Variants in ZMAT5 observed in about 807,000 individuals in gnomAD.
The protein encoded by ZMAT5 is zinc finger matrin-type 5, also known as zinc finger matrin-type protein 5.
In ZMAT5, 23 loss-of-function variants were observed where a neutral mutation model predicts 28.0. The ratio of observed to expected loss-of-function variants is 0.82; its 90% CI spans 0.59 to 1.16. The LOEUF (loss-of-function observed/expected upper bound fraction) is 1.16. Ranked by LOEUF, ZMAT5 falls within the 50% of genes most tolerant of loss-of-function variation. The pLI is 0.00. For missense variants in ZMAT5, 173 were observed against 212.7 expected (o/e 0.81, Z 1.16); for synonymous variants, 76 against 84.1 (o/e 0.90, Z 0.52).
intron 5 of ZMAT5, among the ~76,000 whole-genome samples, chr22:29,733,413 C>G (rs1284343934): frequency 6.6e-6 from 1 of 152,230 alleles, no homozygotes; most frequent in Non-Finnish European, 1.5e-5. Context: ...CTGCCCCTCT[C>G]TGGACCAGAC....
intron 5 of ZMAT5, among the ~76,000 whole-genome samples, chr22:29,733,950 C>T (rs1468213431): frequency 6.6e-6 from 1 of 152,200 alleles, no homozygotes; most frequent in Non-Finnish European, 1.5e-5. Context: ...CAACTCTGCT[C>T]GTAGCTTCTC....
At chr22:29,745,414 C>A (rs749864475) in intron 2 of ZMAT5, among the ~76,000 whole-genome samples, 2 of 152,230 alleles carry the variant, frequency 1.3e-5, no homozygotes, top group Non-Finnish European at 2.9e-5. Flanking sequence ...CCAGAACACA[C>A]CATTCTAATT....
At chr22:29,749,743 A>C (rs988572748) in intron 1 of ZMAT5, among the ~76,000 whole-genome samples, 2 of 152,140 alleles carry the variant, frequency 1.3e-5, no homozygotes, top group African/African-American at 4.8e-5. Flanking sequence ...GGTAACTGAC[A>C]TGGGGGTGGT....
intron 1 of ZMAT5, among the ~76,000 whole-genome samples, chr22:29,757,323 A>G (rs1233610283): frequency 1.3e-5 from 2 of 151,936 alleles, no homozygotes; most frequent in African/African-American, 4.8e-5. Context: ...AGCATGCTCA[A>G]GGTCACACAG....
At chr22:29,763,562 A>G (rs1479204596) in intron 1 of ZMAT5, among the ~76,000 whole-genome samples, 1 of 152,046 alleles carries the variant, frequency 6.6e-6, no homozygotes, top group East Asian at 1.9e-4. Context: ...AGATGGTGCC[A>G]CTGCACTCCA....
intron 1 of ZMAT5, among the ~76,000 whole-genome samples, chr22:29,762,530 C>T (rs574403022): frequency 1.2e-4 from 19 of 152,286 alleles, no homozygotes; most frequent in Non-Finnish European, 1.9e-4. Context: ...CATAGGAGCA[C>T]GAATCCTATT....
chr22:29,757,553 G>T (rs959830633), intron 1 of ZMAT5, among the ~76,000 whole-genome samples: 1 of 152,184 alleles, frequency 6.6e-6, no homozygotes, highest in African/African-American at 2.4e-5. Flanking sequence ...GCACGCCAAT[G>T]GTGCTTCACA....
chr22:29,738,086 C>T (rs375309899), intron 5 of ZMAT5, among the ~76,000 whole-genome samples: 2 of 152,160 alleles, frequency 1.3e-5, no homozygotes, highest in East Asian at 3.9e-4. Context: ...TGCCGCCTGC[C>T]TCCCCTCCAG....
chr22:29,765,274 C>A (rs2068196195), intron 1 of ZMAT5, among the ~76,000 whole-genome samples: 1 of 151,252 alleles, frequency 6.6e-6, no homozygotes, highest in Non-Finnish European at 1.5e-5. Flanking sequence ...CAAAAATGAG[C>A]TGGGCGTGTT....
chr22:29,737,078 G>A (rs1410323071), intron 5 of ZMAT5, among the ~76,000 whole-genome samples: 1 of 141,238 alleles, frequency 7.1e-6, no homozygotes, highest in Non-Finnish European at 1.5e-5. Flanking sequence ...ATCCCAACAC[G>A]TTGCACTTTG....
At chr22:29,759,726 T>C (rs574565390) in intron 1 of ZMAT5, among the ~76,000 whole-genome samples, 17 of 152,070 alleles carry the variant, frequency 1.1e-4, no homozygotes, top group Non-Finnish European at 2.1e-4. Context: ...ACTCTGATCA[T>C]GCCACTGTAC....
chr22:29,755,308 AAG>A (rs1913873048), intron 1 of ZMAT5, among the ~76,000 whole-genome samples: 1 of 137,980 alleles, frequency 7.2e-6, no homozygotes, highest in Non-Finnish European at 1.6e-5. Flanking sequence ...AGAAGAAAGA[AAG>A]AAAGAAAAAA....
chr22:29,753,148 ATCCAGTCGCTACTGCTTCC>A (rs1200662625), intron 1 of ZMAT5, among the ~76,000 whole-genome samples: 1 of 152,204 alleles, frequency 6.6e-6, no homozygotes, highest in Non-Finnish European at 1.5e-5. Context: ...CAGGGCTTAC[ATCCAGTCGCTACTGCTTCC>A]TAATTTTCTC....
At position 29,748,616 on chromosome 22, in the gene ZMAT5, C is replaced by T. The variant is rs548563074; in HGVS notation, c.-27-45G>A. 8 of 1,600,858 alleles carry T rather than the reference C, an allele frequency of 5.0e-6. No individual in the cohort carries two copies. The South Asian group carries it at 5.6e-5, about 11-fold the overall frequency. On this transcript the variant is annotated intron_variant, in intron 1 of 5. Coordinates refer to ENST00000344318, the MANE Select transcript of ZMAT5 (RefSeq NM_001003692.2). ...TCAGATTAGACCATTGGAGAAAACA[C>T]ATCCCTCACCAGCCCACTGAATGCT...
At chr22:29,766,072 T>G (rs1343791894) in intron 1 of ZMAT5, among the ~76,000 whole-genome samples, 1 of 152,034 alleles carries the variant, frequency 6.6e-6, no homozygotes, top group African/African-American at 2.4e-5. Flanking sequence ...TCACGCACCT[T>G]GGGGGGCGAG....
At chr22:29,732,242 C>A (rs1706951731) in intron 5 of ZMAT5, among the ~76,000 whole-genome samples, 2 of 152,380 alleles carry the variant, frequency 1.3e-5, no homozygotes, top group South Asian at 2.1e-4. Flanking sequence ...GCACTTTGAA[C>A]TCCCATCACC....
rs776541905 is a variant in ZMAT5, at chr22:29,766,929, C to A, written c.-85G>T. Reference sequence around the variant, plus strand: ...AGAAAAGAGACTAGGACTCGCCCCTCGACGTCTCGCGGAAGGTACCTGGCT... The same window carrying A: ...AGAAAAGAGACTAGGACTCGCCCCTAGACGTCTCGCGGAAGGTACCTGGCT... On this transcript the variant is annotated 5_prime_UTR_variant, in exon 1 of 6. Transcript: ENST00000344318. 6.4e-6 allele frequency: 1 copy of A among 156,642 alleles called. No homozygotes were observed. Among genetic ancestry groups the A allele is most frequent in the Non-Finnish European group, 1.4e-5 (1 of 70,192 alleles). The allele number at this position is 156,642 out of a possible 1,614,324, so 9.7% of individuals were successfully genotyped here.
chr22:29,732,014 G>A (rs1043620555), intron 5 of ZMAT5, among the ~76,000 whole-genome samples: 1 of 152,088 alleles, frequency 6.6e-6, no homozygotes, highest in Non-Finnish European at 1.5e-5. Flanking sequence ...TCCACCCCGA[G>A]CCACCTCCCC....
chr22:29,763,196 G>A (rs2068174282), intron 1 of ZMAT5, among the ~76,000 whole-genome samples: 1 of 151,974 alleles, frequency 6.6e-6, no homozygotes, highest in Non-Finnish European at 1.5e-5. Context: ...GGGAGGCTGA[G>A]AGAACAGAAT....
Sources: gnomAD v4.1 joint callset for allele counts (sites outside exome capture counted in the v4.1 genomes callset) on GRCh38, gnomAD v4.1.1 for gene constraint, MANE v1.5 for transcripts, NCBI Gene and HGNC (gene_info 2026-07-23, HGNC 2026-07-21) for gene names.